RNF146: variants seen among roughly 807,000 people sequenced by gnomAD.
RNF146 encodes the protein ring finger protein 146.
Under a neutral mutation model 29.7 loss-of-function variants are expected in RNF146, and 11 were observed. The ratio of observed to expected loss-of-function variants is 0.37; its 90% CI spans 0.23 to 0.61. RNF146 has a LOEUF of 0.61. Among genes scored for constraint, RNF146 ranks in the 20% least tolerant of loss-of-function variants. RNF146 has a pLI of 0.66. For synonymous variants in RNF146, 150 were observed against 159.7 expected (o/e 0.94, Z 0.46); for missense variants, 342 against 438.9 (o/e 0.78, Z 1.97).
At position 127,286,641 on chromosome 6, in the gene RNF146, C is replaced by G; in HGVS notation, c.28C>G (p.His10Asp). The G allele has an allele frequency of 1.9e-6, 3 of 1,608,780 alleles. No homozygotes were observed. Among genetic ancestry groups the G allele is most frequent in the Non-Finnish European group, 2.5e-6 (3 of 1,177,250 alleles). MMAGCGEID[H>D]SINMLPTNRK... ...GATGGCTGGCTGTGGTGAAATTGAT[C>G]ATTCAATAAACATGCTTCCTACAAA... Residue 10 changes from histidine (H) to aspartate (D), a missense_variant, in exon 3 of 3, where the codon CAT (histidine) becomes GAT (aspartate). Transcript: ENST00000368314. This position sits in a 1 kb window ranked among gnomAD's most constrained non-coding sequence, Gnocchi z 4.6.
intron 2 of RNF146, chr6:127,280,572 G>A (rs9388559): frequency 0.065 from 78,250 of 1,201,240 alleles, 8,393 homozygotes; most frequent in East Asian, 0.57. Flanking sequence ...AGACACAGGA[G>A]TTTGCTCAAA....
chr6:127,268,429 G>A (rs781490874), intron 1 of RNF146, among the ~76,000 whole-genome samples: 1 of 152,304 alleles, frequency 6.6e-6, no homozygotes, highest in East Asian at 1.9e-4. Flanking sequence ...AGCAAATATT[G>A]TTTGTATAGA....
At chr6:127,266,826 C>G (rs959495822), upstream of RNF146, 2 of 151,538 alleles carry the variant, frequency 1.3e-5, no homozygotes, top group Admixed American at 1.3e-4. Flanking sequence ...CTCCGCGACG[C>G]GCCGGGTGGT....
At chr6:127,268,310 A>G (rs1299339027) in intron 1 of RNF146, among the ~76,000 whole-genome samples, 2 of 152,240 alleles carry the variant, frequency 1.3e-5, no homozygotes, top group African/African-American at 4.8e-5. Context: ...CATTTTAGTC[A>G]GTGAATCTAT....
At position 127,286,499 on chromosome 6, in the gene RNF146, C is replaced by CTAGT; in HGVS notation, c.3-116_3-113dup. On this transcript the variant is annotated intron_variant, in intron 2 of 2. Coordinates refer to ENST00000368314, the MANE Select transcript of RNF146 (RefSeq NM_001242850.2). The surrounding 1 kb of genome is among the most constrained non-coding windows in gnomAD (Gnocchi z 4.6). ...ACTTTCATCTTCATATCCCCATTGT[C>CTAGT]TAGTATGTGGCTTGCATATAATGCA... 2 of 965,822 alleles carry CTAGT rather than the reference C, an allele frequency of 2.1e-6. No individual in the cohort carries two copies. Among genetic ancestry groups the CTAGT allele is most frequent in the Non-Finnish European group, 3.0e-6 (2 of 664,394 alleles). The allele number at this position is 965,822 out of a possible 1,614,324, so 59.8% of individuals were successfully genotyped here. A position where few individuals can be genotyped will look rare whatever the true frequency, so the allele number is the denominator to read the frequency against.
intron 1 of RNF146, among the ~76,000 whole-genome samples, chr6:127,278,190 A>C (rs1203915334): frequency 6.6e-6 from 1 of 152,054 alleles, no homozygotes; most frequent in Non-Finnish European, 1.5e-5. Context: ...TGGAGATGGA[A>C]ATACTAAATG....
In RNF146 at chr6:127,280,349, A is replaced by G. The variant is rs1280177871; in HGVS notation, c.2+9A>G. 2.6e-6 allele frequency: 4 copies of G among 1,547,096 alleles called. No individual in the cohort carries two copies. In the Admixed American group the frequency reaches 5.9e-5, roughly 23 times the overall value. On this transcript the variant is annotated intron_variant, in intron 2 of 2. Coordinates refer to ENST00000368314, the MANE Select transcript of RNF146 (RefSeq NM_001242850.2). Reference sequence around the variant, plus strand: ...GGATCTGTAATAGAAATGTAAGTGTAGCATCATGGTTTTTTTCAGTGCTGC... The same window carrying G: ...GGATCTGTAATAGAAATGTAAGTGTGGCATCATGGTTTTTTTCAGTGCTGC...
At chr6:127,284,915 C>T (rs756591117) in intron 2 of RNF146, among the ~76,000 whole-genome samples, 12 of 151,602 alleles carry the variant, frequency 7.9e-5, no homozygotes, top group Non-Finnish European at 1.5e-4. Context: ...AGTGTTAATG[C>T]ATTTTATGTG....
At position 127,287,583 on chromosome 6, in the gene RNF146, G is replaced by C; in HGVS notation, c.970G>C (p.Asp324His). Residue 324 changes from aspartate to histidine, a missense_variant, in exon 3 of 3, where the codon GAT becomes CAT. Coordinates refer to ENST00000368314, the MANE Select transcript of RNF146 (RefSeq NM_001242850.2). Reference sequence around the variant, plus strand: ...TTCTAATGCAAACCAGACAGTACCCGATCGATCAGATCGATCGGGAACTGA... The same window carrying C: ...TTCTAATGCAAACCAGACAGTACCCCATCGATCAGATCGATCGGGAACTGA... The part of the protein sequence containing the change: ...LVSNANQTVP[D>H]RSDRSGTDRS... The C allele has an allele frequency of 1.9e-6, 3 of 1,612,550 alleles. No individual in the cohort carries two copies. Among genetic ancestry groups the C allele is most frequent in the Non-Finnish European group, 2.5e-6 (3 of 1,179,310 alleles).
intron 1 of RNF146, among the ~76,000 whole-genome samples, chr6:127,278,733 T>C (rs1280881570): frequency 1.3e-5 from 2 of 152,006 alleles, no homozygotes; most frequent in Non-Finnish European, 2.9e-5. Context: ...CAAATTATTA[T>C]TCACAGCAGC....
intron 2 of RNF146, among the ~76,000 whole-genome samples, chr6:127,282,818 C>T (rs1779080095): frequency 6.6e-6 from 1 of 151,696 alleles, no homozygotes; most frequent in Non-Finnish European, 1.5e-5. Flanking sequence ...ATTAGTGGTT[C>T]ATATGTGGAC....
rs1017947549 is a variant in RNF146 at position 127,267,285 on chromosome 6, C to T, written c.-109+360C>T. On this transcript the variant is annotated intron_variant, in intron 1 of 2. Transcript: ENST00000368314. Reference sequence around the variant, plus strand: ...GTGACGGCCGGAGCTGGTCTCGGTCCGGGTGCGAGGGGCGGAGCAGCGGCC... The same window carrying T: ...GTGACGGCCGGAGCTGGTCTCGGTCTGGGTGCGAGGGGCGGAGCAGCGGCC... Among the ~76,000 whole-genome samples the T allele has an allele frequency of 2.8e-4, 42 of 152,092 alleles. 1 individual carries two copies. Among genetic ancestry groups the T allele is most frequent in the Admixed American group, 1.3e-4 (2 of 15,286 alleles).
In RNF146 at chr6:127,287,533, CCTT is replaced by C. The variant is rs759985928; in HGVS notation, c.921_923del (p.Leu308del). 6.2e-7 allele frequency: 1 copy of C among 1,613,036 alleles called. No homozygotes were observed. The highest frequency in any genetic ancestry group is 2.2e-5 in the East Asian group (1 of 44,832). The stretch of plus-strand genomic sequence containing the variant: ...GTATCTGCAGTTGTTGCACAGCACT[CCTT>C]GACCCAACAGAGACTTTTGGTTTCT... On this transcript the variant is annotated inframe_deletion, in exon 3 of 3. Coordinates refer to ENST00000368314, the MANE Select transcript of RNF146 (RefSeq NM_001242850.2).
intron 1 of RNF146, among the ~76,000 whole-genome samples, chr6:127,268,297 G>C (rs1289550321): frequency 6.6e-6 from 1 of 152,144 alleles, no homozygotes. Context: ...GGAAGACTTA[G>C]GACATTTTAG....
Position 127,287,173 on chromosome 6 carries a change from C to T in RNF146, c.560C>T (p.Ala187Val), listed in dbSNP as rs746922303. Residue 187 changes from alanine (A) to valine (V), a missense_variant, in exon 3 of 3, where the codon GCT (alanine) becomes GTT (valine). Coordinates refer to ENST00000368314, the MANE Select transcript of RNF146 (RefSeq NM_001242850.2). ...GCTGGACTTAGGCTAGACTGTGATG[C>T]TAATACCGTAAACCTAGCAAGAGAG... The part of the protein sequence containing the change: ...GVAGLRLDCD[A>V]NTVNLARESS... 6 of 1,613,204 alleles carry T rather than the reference C, an allele frequency of 3.7e-6. No homozygotes were observed. In the African/African-American group the frequency reaches 6.7e-5, roughly 18 times the overall value.
In RNF146 at chr6:127,287,044, T is replaced by A. The variant is rs1779606330; in HGVS notation, c.431T>A (p.Leu144Gln). The A allele has an allele frequency of 6.2e-7, 1 of 1,613,268 alleles. No individual in the cohort carries two copies. Among genetic ancestry groups the A allele is most frequent in the Non-Finnish European group, 8.5e-7 (1 of 1,179,656 alleles). ...ACTGAAATGTTAATTGCTGGCTTTC[T>A]GTATGTCGCTGATCTTGAAAACATG... ...KNTEMLIAGF[L>Q]YVADLENMVQ... The change falls in exon 3 of 3, where the codon CTG (leucine) becomes CAG (glutamine). Residue 144 changes from leucine to glutamine, a missense_variant. By Grantham distance (113) the Leu-to-Gln change is moderately radical. Coordinates refer to ENST00000368314, the MANE Select transcript of RNF146 (RefSeq NM_001242850.2).
rs574292589 is a variant in RNF146 at position 127,267,283 on chromosome 6, T to A, written c.-109+358T>A. 2.7e-4 allele frequency among the ~76,000 whole-genome samples: 41 copies of A among 152,070 alleles called. No homozygotes were observed. In the South Asian group the frequency reaches 8.1e-3, roughly 30 times the overall value. On this transcript the variant is annotated intron_variant, in intron 1 of 2. Coordinates refer to ENST00000368314, the MANE Select transcript of RNF146 (RefSeq NM_001242850.2). ...GGGTGACGGCCGGAGCTGGTCTCGG[T>A]CCGGGTGCGAGGGGCGGAGCAGCGG...
chr6:127,285,636 T>G (rs1779413771), intron 2 of RNF146, among the ~76,000 whole-genome samples: 1 of 151,260 alleles, frequency 6.6e-6, no homozygotes, highest in Non-Finnish European at 1.5e-5. Context: ...CCTTTACACC[T>G]TCATCTCCTG....
chr6:127,273,642 G>A (rs1777794071), intron 1 of RNF146, among the ~76,000 whole-genome samples: 1 of 151,890 alleles, frequency 6.6e-6, no homozygotes, highest in Non-Finnish European at 1.5e-5. Context: ...TTGTTGAAAG[G>A]TCAGCTGTAT....
Sources: gnomAD v4.1 joint callset for allele counts (sites outside exome capture counted in the v4.1 genomes callset) on GRCh38, gnomAD v4.1.1 for gene constraint, Gnocchi (gnomAD v3.1) non-coding constraint, MANE v1.5 for transcripts, NCBI Gene and HGNC (gene_info 2026-07-23, HGNC 2026-07-21) for gene names.